IQUB: variants seen among roughly 807,000 people sequenced by gnomAD.
IQUB encodes the protein IQ motif and ubiquitin-like domain-containing protein.
In IQUB, 86 loss-of-function variants were observed where a neutral mutation model predicts 86.4. The ratio of observed to expected loss-of-function variants is 1.00; its 90% CI spans 0.84 to 1.19. The LOEUF (loss-of-function observed/expected upper bound fraction) is 1.19, where lower values mean the gene tolerates loss of function less well. Ranked by LOEUF, IQUB falls within the 50% of genes most tolerant of loss-of-function variation. IQUB has a pLI of 0.00. For synonymous variants in IQUB, 289 were observed against 304.5 expected (o/e 0.95, Z 0.53); for missense variants, 946 against 916.9 (o/e 1.03, Z -0.41).
At chr7:123,470,783 G>A (rs1338072557) in intron 8 of IQUB, among the ~76,000 whole-genome samples, 6 of 151,634 alleles carry the variant, frequency 4.0e-5, no homozygotes, top group African/African-American at 7.3e-5. Flanking sequence ...CCTGGGAGGC[G>A]GAGCTTGCAG....
chr7:123,469,970 C>G (rs1019867500), intron 8 of IQUB, among the ~76,000 whole-genome samples: 3 of 152,162 alleles, frequency 2.0e-5, no homozygotes, highest in Non-Finnish European at 4.4e-5. Flanking sequence ...CTCCCTGATG[C>G]TGGCTAAGAT....
intron 3 of IQUB, among the ~76,000 whole-genome samples, chr7:123,507,645 C>T (rs192097644): frequency 4.0e-4 from 61 of 152,090 alleles, no homozygotes; most frequent in African/African-American, 8.9e-4. Context: ...CTTTGCAAGG[C>T]GGGTGGATCA....
intron 1 of IQUB, chr7:123,532,721 G>A (rs892055783): frequency 1.3e-5 from 2 of 152,136 alleles, no homozygotes; most frequent in African/African-American, 2.4e-5. Context: ...TCCGCCCAAG[G>A]GGTCCGGCTC....
At chr7:123,529,744 A>AAAAAAAAAAC in intron 1 of IQUB, among the ~76,000 whole-genome samples, 1 of 148,050 alleles carries the variant, frequency 6.8e-6, no homozygotes, top group African/African-American at 2.5e-5. Flanking sequence ...AAAAAAAAAA[A>AAAAAAAAAAC]AAAAAAACAG....
chr7:123,523,683 G>C (rs1797026373), intron 1 of IQUB, among the ~76,000 whole-genome samples: 1 of 151,654 alleles, frequency 6.6e-6, no homozygotes, highest in South Asian at 2.1e-4. Flanking sequence ...AGTTTCTTTT[G>C]CTGTGCAGAA....
At chr7:123,463,676 G>A (rs907955375) in intron 10 of IQUB, among the ~76,000 whole-genome samples, 7 of 151,618 alleles carry the variant, frequency 4.6e-5, no homozygotes, top group African/African-American at 9.7e-5. Flanking sequence ...GAATTCTGGG[G>A]GCTGATAGGA....
At chr7:123,491,311 G>T (rs1448312774) in intron 7 of IQUB, among the ~76,000 whole-genome samples, 1 of 152,048 alleles carries the variant, frequency 6.6e-6, no homozygotes, top group African/African-American at 2.4e-5. Flanking sequence ...CACAGGACTA[G>T]AAGAGGAGTA....
chr7:123,502,706 G>T lies in IQUB; in HGVS notation c.914C>A (p.Ser305Tyr), dbSNP rs1223347435. The change falls in exon 6 of 13, where the codon TCC (serine) becomes TAC (tyrosine). Residue 305 changes from serine to tyrosine, a missense_variant. Ser to Tyr is a moderately radical substitution (Grantham distance 144). Transcript: ENST00000324698. The stretch of plus-strand genomic sequence containing the variant: ...TACACCAATGTTAGTCATCTGTGTG[G>T]ATGTTGTATTTGTAGTTTGTTGGAG... ...KNLQQTTNTT[S>Y]TQMTNIGVYV... 1.2e-6 allele frequency: 2 copies of T among 1,607,824 alleles called. No homozygotes were observed. Among genetic ancestry groups the T allele is most frequent in the Non-Finnish European group, 1.7e-6 (2 of 1,177,524 alleles).
At chr7:123,476,845 A>C (rs1418474970) in intron 8 of IQUB, among the ~76,000 whole-genome samples, 1 of 151,954 alleles carries the variant, frequency 6.6e-6, no homozygotes, top group East Asian at 1.9e-4. Flanking sequence ...GGAAGAAGTA[A>C]AGAATTAAGG....
At chr7:123,515,259 A>T (rs1231795517) in intron 1 of IQUB, among the ~76,000 whole-genome samples, 1 of 152,198 alleles carries the variant, frequency 6.6e-6, no homozygotes, top group Non-Finnish European at 1.5e-5. Flanking sequence ...ACTAGCCAAG[A>T]TGGTATCTTC....
At chr7:123,508,451 G>T (rs1253725875) in intron 3 of IQUB, among the ~76,000 whole-genome samples, 1 of 152,186 alleles carries the variant, frequency 6.6e-6, no homozygotes, top group Non-Finnish European at 1.5e-5. Flanking sequence ...ACTTATTTCT[G>T]TAATAGGCTT....
At chr7:123,491,448 T>C (rs1034571565) in intron 7 of IQUB, among the ~76,000 whole-genome samples, 4 of 151,952 alleles carry the variant, frequency 2.6e-5, no homozygotes, top group Non-Finnish European at 5.9e-5. Flanking sequence ...CTAGGCAGAC[T>C]GATCAGGAAA....
At chr7:123,503,525 A>G (rs1796045117) in intron 3 of IQUB, among the ~76,000 whole-genome samples, 162 bp from the exon 4 acceptor site, 1 of 152,186 alleles carries the variant, frequency 6.6e-6, no homozygotes, top group African/African-American at 2.4e-5. Flanking sequence ...AGCTATTAAC[A>G]TGTCCATTAC....
chr7:123,472,889 T>C (rs1794595075), intron 8 of IQUB, among the ~76,000 whole-genome samples: 1 of 152,190 alleles, frequency 6.6e-6, no homozygotes, highest in Non-Finnish European at 1.5e-5. Flanking sequence ...TATACAACAA[T>C]CATGTACTTA....
chr7:123,502,789 CTA>C, intron 5 of IQUB, 37 bp from the exon 6 acceptor site: 1 of 1,462,706 alleles, frequency 6.8e-7, no homozygotes, highest in Non-Finnish European at 9.3e-7. Flanking sequence ...TCAGTATCCC[CTA>C]TATATATACA....
chr7:123,529,745 A>AAAAAAC (rs1797436147), intron 1 of IQUB, among the ~76,000 whole-genome samples: 1 of 147,232 alleles, frequency 6.8e-6, no homozygotes, highest in Admixed American at 6.8e-5. Context: ...AAAAAAAAAA[A>AAAAAAC]AAAAAACAGG....
At chr7:123,518,863 G>C (rs1584643782) in intron 1 of IQUB, among the ~76,000 whole-genome samples, 1 of 152,174 alleles carries the variant, frequency 6.6e-6, no homozygotes, top group African/African-American at 2.4e-5. Flanking sequence ...CAAAGTGCTG[G>C]GATTACAGGC....
In IQUB at chr7:123,452,539, G is replaced by A. The variant is rs748421919; in HGVS notation, c.*204C>T. The A allele has an allele frequency of 1.1e-4, 42 of 368,064 alleles. No individual in the cohort carries two copies. The highest frequency in any genetic ancestry group is 1.8e-4 in the Non-Finnish European group (37 of 207,412). The allele number at this position is 368,064 out of a possible 1,614,324, so 22.8% of individuals were successfully genotyped here. A position where few individuals can be genotyped will look rare whatever the true frequency, so the allele number is the denominator to read the frequency against. On this transcript the variant is annotated 3_prime_UTR_variant, in exon 13 of 13. Coordinates refer to ENST00000324698, the MANE Select transcript of IQUB (RefSeq NM_178827.5). ...AAATATTAATTTCAGTAACAAAATT[G>A]CATTTCAATTTAGCACCAACTTCCT...
At position 123,502,998 on chromosome 7, in the gene IQUB, T is replaced by C. The variant is rs776353395; in HGVS notation, c.813A>G (p.Gln271=). 3.5e-5 allele frequency: 56 copies of C among 1,613,184 alleles called. No homozygotes were observed. The highest frequency in any genetic ancestry group is 4.5e-5 in the Non-Finnish European group (53 of 1,179,600). The change falls in exon 5 of 13, where the codon CAA becomes CAG. Residue 271 remains glutamine, a synonymous_variant. Transcript: ENST00000324698. Reference sequence around the variant, plus strand: ...TTTCGGGAATCCTTTTAGGTACAGTTTGTGTTCCAGCATTGTGATACTCTA... The same window carrying C: ...TTTCGGGAATCCTTTTAGGTACAGTCTGTGTTCCAGCATTGTGATACTCTA... The part of the protein sequence containing the change: ...TGVEYHNAGT[Q]TVPKRIPERL...
Sources: gnomAD v4.1 joint callset for allele counts (sites outside exome capture counted in the v4.1 genomes callset) on GRCh38, gnomAD v4.1.1 for gene constraint, MANE v1.5 for transcripts, NCBI Gene and HGNC (gene_info 2026-07-23, HGNC 2026-07-21) for gene names.